Variants in CEP295 observed in about 807,000 individuals in gnomAD.
CEP295 encodes centrosomal protein of 295 kDa.
A neutral mutation model predicts 291.6 loss-of-function variants in CEP295; 190 were observed. The observed-to-expected ratio is 0.65, with a 90% CI of 0.58 to 0.73. The LOEUF (loss-of-function observed/expected upper bound fraction) is 0.73. Among genes scored for constraint, CEP295 ranks in the 30% least tolerant of loss-of-function variants. The pLI, the probability that CEP295 is intolerant of heterozygous loss-of-function variation, is 0.00. For missense variants in CEP295, 2,863 were observed against 2,949.4 expected, an observed-to-expected ratio of 0.97 and a Z score of 0.68; for synonymous variants, 993 against 1,038.8, an observed-to-expected ratio of 0.96 and a Z score of 0.85.
Position 93,699,298 on chromosome 11 carries a change from C to T in CEP295, c.4386C>T (p.His1462=). The T allele has an allele frequency of 1.3e-6, 2 of 1,551,954 alleles. No homozygotes were observed. Among genetic ancestry groups the T allele is most frequent in the Non-Finnish European group, 8.7e-7 (1 of 1,146,968 alleles). The change falls in exon 15 of 30, where the codon CAC becomes CAT. Residue 1462 remains histidine (H), a synonymous_variant. Coordinates refer to ENST00000325212, the MANE Select transcript of CEP295 (RefSeq NM_033395.2). The stretch of plus-strand genomic sequence containing the variant: ...ATAATTTGATTGCACTTGAAGAACA[C>T]TTGCATGCACAGACAGATTTCCTTC... ...QQDNLIALEE[H]LHAQTDFLPS...
intron 7 of CEP295, among the ~76,000 whole-genome samples, chr11:93,681,403 A>ATTTTTTTTTTTTTTTTTTT (rs71064773): frequency 2.7e-5 from 1 of 36,528 alleles, no homozygotes; most frequent in Non-Finnish European, 4.4e-5. Context: ...CACCCAGCTA[A>ATTTTTTTTTTTTTTTTTTT]TTTTTTTTTT....
Position 93,692,010 on chromosome 11 carries a change from A to G in CEP295, c.1513A>G (p.Met505Val), listed in dbSNP as rs1487412283. The G allele has an allele frequency of 6.6e-7, 1 of 1,521,066 alleles. No individual in the cohort carries two copies. Among genetic ancestry groups the G allele is most frequent in the African/African-American group, 1.4e-5 (1 of 72,700 alleles). 94.2% of individuals were successfully genotyped at this position (1,521,066 alleles called of 1,614,324 possible). ...TCAAGAAGCAGCAGCCAGGATTAGA[A>G]TGTCAGCAAGGCAGAAACAGGTAAT... ...HPQEAAARIR[M>V]SARQKQIMEI... The change falls in exon 12 of 30, where the codon ATG (methionine) becomes GTG (valine). Residue 505 changes from methionine (M) to valine (V), a missense_variant. By Grantham distance (21) the Met-to-Val change is conservative. Transcript: ENST00000325212.
chr11:93,691,593 T>C lies in CEP295; in HGVS notation c.1337-90T>C, dbSNP rs554903589. The C allele has an allele frequency of 1.2e-5, 9 of 781,270 alleles. No homozygotes were observed. In the South Asian group the frequency reaches 1.3e-4, roughly 11 times the overall value. 48.4% of individuals were successfully genotyped at this position (781,270 alleles called of 1,614,324 possible). A position where few individuals can be genotyped will look rare whatever the true frequency, so the allele number is the denominator to read the frequency against. On this transcript the variant is annotated intron_variant, in intron 10 of 29. Transcript: ENST00000325212. Reference sequence around the variant, plus strand: ...GATGAGACATTCAGATGGCCCTAGATTGAATGTGTTAATACCAGAATTTTG... The same window carrying C: ...GATGAGACATTCAGATGGCCCTAGACTGAATGTGTTAATACCAGAATTTTG...
In CEP295 at chr11:93,698,757, C is replaced by T; in HGVS notation, c.3845C>T (p.Ser1282Phe). 6.4e-7 allele frequency: 1 copy of T among 1,551,680 alleles called. No individual in the cohort carries two copies. Among genetic ancestry groups the T allele is most frequent in the African/African-American group, 1.4e-5 (1 of 73,176 alleles). Residue 1282 changes from serine (S) to phenylalanine (F), a missense_variant, in exon 15 of 30, where the codon TCT becomes TTT. Physicochemically the swap from Ser to Phe is radical, Grantham distance 155. Coordinates refer to ENST00000325212, the MANE Select transcript of CEP295 (RefSeq NM_033395.2). Reference sequence around the variant, plus strand: ...AGCCAGAAAACCCAAGAAAATACATCTTCTGAACAAACTGGTTCATCTTCA... The same window carrying T: ...AGCCAGAAAACCCAAGAAAATACATTTTCTGAACAAACTGGTTCATCTTCA... ...HFSQKTQENT[S>F]SEQTGSSSFI...
At position 93,684,131 on chromosome 11, in the gene CEP295, A is replaced by T; in HGVS notation, c.1114+3A>T. ...AATATGTTCTAGTGAAACAGATGGTAAAAACCCTTCTGAGCTAAATATTAC... is the reference window on the plus strand; with the variant it reads ...AATATGTTCTAGTGAAACAGATGGTTAAAACCCTTCTGAGCTAAATATTAC... On this transcript the variant is annotated splice_donor_region_variant and intron_variant, in intron 9 of 29. Transcript: ENST00000325212. The T allele has an allele frequency of 6.5e-7, 1 of 1,550,052 alleles. No homozygotes were observed. The highest frequency in any genetic ancestry group is 8.7e-7 in the Non-Finnish European group (1 of 1,146,110).
chr11:93,714,395 C>T (rs1807990), intron 18 of CEP295, among the ~76,000 whole-genome samples: 18,006 of 152,158 alleles, frequency 0.12, 1,180 homozygotes, highest in East Asian at 0.25. Context: ...GGACTACAGG[C>T]GCGTGCCACC....
intron 6 of CEP295, among the ~76,000 whole-genome samples, chr11:93,676,562 A>C (rs545180899): frequency 6.6e-6 from 1 of 152,178 alleles, no homozygotes; most frequent in South Asian, 2.1e-4. Context: ...AACTAAAATG[A>C]ATATCATCAC....
intron 18 of CEP295, among the ~76,000 whole-genome samples, chr11:93,718,938 G>T (rs776599237): frequency 6.6e-6 from 1 of 152,096 alleles, no homozygotes; most frequent in African/African-American, 2.4e-5. Context: ...GTGAAACCCC[G>T]TCTCTACTAA....
rs527787226 is a variant in CEP295, at chr11:93,699,666, T to C, written c.4754T>C (p.Leu1585Ser). The C allele has an allele frequency of 6.4e-7, 1 of 1,551,496 alleles. No homozygotes were observed. Among genetic ancestry groups the C allele is most frequent in the East Asian group, 2.4e-5 (1 of 40,910 alleles). Residue 1585 changes from leucine (L) to serine (S), a missense_variant, in exon 15 of 30, where the codon TTA (leucine) becomes TCA (serine). Coordinates refer to ENST00000325212, the MANE Select transcript of CEP295 (RefSeq NM_033395.2). ...TCAAGTCATCGTGAGATTCCAAGAT[T>C]ACAGGATAGACTTTTGAGTTTATCA... is the stretch of plus-strand genomic sequence containing the variant. ...LPSSHREIPR[L>S]QDRLLSLSKP...
intron 20 of CEP295, chr11:93,722,786 T>G: frequency 3.0e-6 from 1 of 333,766 alleles, no homozygotes; most frequent in Non-Finnish European, 5.6e-6. Flanking sequence ...TGAGATGGAG[T>G]CTTGCTCTGT....
In CEP295 at chr11:93,698,141, G is replaced by A. The variant is rs544515240; in HGVS notation, c.3229G>A (p.Ala1077Thr). Residue 1077 changes from alanine to threonine, a missense_variant, in exon 15 of 30, where the codon GCT becomes ACT. By Grantham distance (58) the Ala-to-Thr change is moderately conservative (BLOSUM62 0). Around this residue, in one of 3 missense-constraint regions of CEP295, gnomAD observed 2,295 missense variants for 2,335.7 expected, o/e 0.98. Transcript: ENST00000325212. Reference protein sequence around the residue: ...QRDTLQARHEAQVELLLHRQR... With the variant: ...QRDTLQARHETQVELLLHRQR... ...GGATACTCTTCAGGCTAGGCATGAA[G>A]CTCAGGTGGAATTACTTTTACATAG... The A allele has an allele frequency of 1.3e-6, 2 of 1,552,210 alleles. No individual in the cohort carries two copies. The highest frequency in any genetic ancestry group is 1.7e-6 in the Non-Finnish European group (2 of 1,147,110).
Position 93,699,824 on chromosome 11 carries a change from G to C in CEP295, c.4912G>C (p.Ala1638Pro). The C allele has an allele frequency of 6.4e-7, 1 of 1,552,272 alleles. No homozygotes were observed. The stretch of plus-strand genomic sequence containing the variant: ...AAGAAAGTTGAACAAAAGTGAATCT[G>C]CTGAGCATACTATCCCCTCTTTGTT... ...KQRKLNKSESAEHTIPSLFLP... is the reference protein window; with the variant it reads ...KQRKLNKSESPEHTIPSLFLP... The change falls in exon 15 of 30, where the codon GCT (alanine) becomes CCT (proline). Residue 1638 changes from alanine to proline, a missense_variant. Ala to Pro is a conservative substitution (Grantham distance 27). This residue lies in a region of CEP295 where 2,295 missense variants were observed against 2,335.7 expected (regional missense o/e 0.98). Coordinates refer to ENST00000325212, the MANE Select transcript of CEP295 (RefSeq NM_033395.2).
rs1052929369 is a variant in CEP295 at position 93,729,701 on chromosome 11, A to G, written c.7487A>G (p.Gln2496Arg). 2.6e-6 allele frequency: 4 copies of G among 1,550,138 alleles called. No individual in the cohort carries two copies. In the Admixed American group the frequency reaches 7.9e-5, roughly 30 times the overall value. The stretch of plus-strand genomic sequence containing the variant: ...AAATCATTTATGGAGAGATCCCACC[A>G]GAGGCAGAAAGAAATAAGGAATAAA... ...RKKSFMERSH[Q>R]RQKEIRNKIH... The change falls in exon 27 of 30, where the codon CAG becomes CGG. Residue 2496 changes from glutamine (Q) to arginine (R), a missense_variant. This residue lies in a region of CEP295 where 2,295 missense variants were observed against 2,335.7 expected (regional missense o/e 0.98). Transcript: ENST00000325212.
Position 93,699,607 on chromosome 11 carries a change from G to A in CEP295, c.4695G>A (p.Lys1565=). Residue 1565 remains lysine, a synonymous_variant, in exon 15 of 30, where the codon AAG becomes AAA. Transcript: ENST00000325212. ...VPVADSERTQ[K]SFPTKSNDTL... Reference sequence around the variant, plus strand: ...TTGCTGACTCTGAAAGAACCCAGAAGTCTTTCCCAACCAAAAGTAATGATA... The same window carrying A: ...TTGCTGACTCTGAAAGAACCCAGAAATCTTTCCCAACCAAAAGTAATGATA... 1 of 1,551,798 alleles carries A rather than the reference G, an allele frequency of 6.4e-7. No individual in the cohort carries two copies. Among genetic ancestry groups the A allele is most frequent in the Non-Finnish European group, 8.7e-7 (1 of 1,147,086 alleles).
At position 93,721,992 on chromosome 11, in the gene CEP295, T is replaced by C; in HGVS notation, c.5889T>C (p.Thr1963=). The C allele has an allele frequency of 6.3e-7, 1 of 1,588,544 alleles. No homozygotes were observed. Among genetic ancestry groups the C allele is most frequent in the Non-Finnish European group, 8.6e-7 (1 of 1,165,128 alleles). Reference sequence around the variant, plus strand: ...CTTATGAACCATTATCTTCAGCAACTGTTTCCACTGGGAGCCTTTTAAGTT... The same window carrying C: ...CTTATGAACCATTATCTTCAGCAACCGTTTCCACTGGGAGCCTTTTAAGTT... ...TLSYEPLSSA[T]VSTGSLLSYE... is the part of the protein sequence containing the mutation. The change falls in exon 20 of 30, where the codon ACT becomes ACC. Residue 1963 remains threonine, a synonymous_variant. Transcript: ENST00000325212.
Position 93,699,089 on chromosome 11 carries a change from G to T in CEP295, c.4177G>T (p.Asp1393Tyr). ...GGGAAGAATATCTCCCGAGCAGGTT[G>T]ACACCTCTTCCTTACCCCTAGTACC... ...WEGRISPEQV[D>Y]TSSLPLVPQH... Residue 1393 changes from aspartate to tyrosine, a missense_variant, in exon 15 of 30, where the codon GAC becomes TAC. Coordinates refer to ENST00000325212, the MANE Select transcript of CEP295 (RefSeq NM_033395.2). The T allele has an allele frequency of 6.5e-7, 1 of 1,547,478 alleles. No homozygotes were observed.
At chr11:93,673,356 T>C (rs966260479) in intron 5 of CEP295, among the ~76,000 whole-genome samples, 1 of 152,208 alleles carries the variant, frequency 6.6e-6, no homozygotes, top group African/African-American at 2.4e-5. Context: ...ATCCTTTACC[T>C]AAATGATAAG....
At chr11:93,673,849 G>T (rs1159185029) in intron 5 of CEP295, among the ~76,000 whole-genome samples, 1 of 151,942 alleles carries the variant, frequency 6.6e-6, no homozygotes, top group African/African-American at 2.4e-5. Context: ...GATTTAATTC[G>T]TTTGGTGTGG....
In CEP295 at chr11:93,702,616, G is replaced by A. The variant is rs1227776882; in HGVS notation, c.5431G>A (p.Asp1811Asn). ...TGATGATAATCATTTGGCTTCAGAA[G>A]ATACTAGTGCCAAGCAAAGTGGTAA... ...NSDDNHLASE[D>N]TSAKQSGEHL... The change falls in exon 16 of 30, where the codon GAT becomes AAT. Residue 1811 changes from aspartate (D) to asparagine (N), a missense_variant. By Grantham distance (23) the Asp-to-Asn change is conservative. Transcript: ENST00000325212. The A allele has an allele frequency of 1.9e-6, 3 of 1,546,084 alleles. No homozygotes were observed. The African/African-American group carries it at 4.1e-5, about 21-fold the overall frequency.
Sources: gnomAD v4.1 joint callset for allele counts (sites outside exome capture counted in the v4.1 genomes callset) on GRCh38, gnomAD v4.1.1 for gene constraint, gnomAD v4.1.1 regional missense constraint, MANE v1.5 for transcripts, NCBI Gene and HGNC (gene_info 2026-07-23, HGNC 2026-07-21) for gene names.